ATRNL1: variants seen among roughly 807,000 people sequenced by gnomAD.
ATRNL1 encodes attractin like 1.
A neutral mutation model predicts 182.7 loss-of-function variants in ATRNL1; 95 were observed. The ratio of observed to expected loss-of-function variants is 0.52; its 90% CI spans 0.44 to 0.62. The LOEUF is 0.62. Among genes scored for constraint, ATRNL1 ranks in the 20% least tolerant of loss-of-function variants. The pLI is 0.00. For missense variants in ATRNL1, 1,471 were observed against 1,679.5 expected (o/e 0.88, Z 2.17); for synonymous variants, 576 against 568.3 (o/e 1.01, Z -0.19).
At position 115,780,324 on chromosome 10, in the gene ATRNL1, C is replaced by T. The variant is rs549808876; in HGVS notation, c.3903+52969C>T. On this transcript the variant is annotated intron_variant, in intron 27 of 28. Coordinates refer to ENST00000355044, the MANE Select transcript of ATRNL1 (RefSeq NM_207303.4). Reference sequence around the variant, plus strand: ...TGGTCAGAAATTGAGTATTAGCAAGCCTCAACACCACAGGCTAAAGTGCTC... The same window carrying T: ...TGGTCAGAAATTGAGTATTAGCAAGTCTCAACACCACAGGCTAAAGTGCTC... Among the ~76,000 whole-genome samples the T allele has an allele frequency of 2.0e-5, 3 of 152,340 alleles. No individual in the cohort carries two copies. The East Asian group carries it at 5.8e-4, about 29-fold the overall frequency.
At chr10:115,911,484 A>G (rs2134524565) in intron 28 of ATRNL1, among the ~76,000 whole-genome samples, 1 of 151,934 alleles carries the variant, frequency 6.6e-6, no homozygotes, top group Non-Finnish European at 1.5e-5. Context: ...TGCCCAGCTA[A>G]TTTTTTGTAT....
chr10:115,537,679 T>C (rs1446323482), intron 25 of ATRNL1, among the ~76,000 whole-genome samples: 1 of 152,216 alleles, frequency 6.6e-6, no homozygotes, highest in Non-Finnish European at 1.5e-5. Flanking sequence ...TGCCTTTTTT[T>C]CCAGCATTTT....
chr10:115,256,421 G>T (rs1851138803), intron 10 of ATRNL1, among the ~76,000 whole-genome samples: 1 of 152,102 alleles, frequency 6.6e-6, no homozygotes, highest in East Asian at 1.9e-4. Flanking sequence ...TAGTTTATTT[G>T]CATAGAGGTG....
chr10:115,335,674 T>C (rs1231674404), intron 19 of ATRNL1, among the ~76,000 whole-genome samples: 2 of 152,210 alleles, frequency 1.3e-5, no homozygotes, highest in Non-Finnish European at 2.9e-5. Context: ...GTCCCTTACA[T>C]AGTGGTGTAG....
intron 27 of ATRNL1, among the ~76,000 whole-genome samples, chr10:115,775,956 T>C (rs144542868): frequency 0.013 from 8 of 640 alleles, no homozygotes; most frequent in African/African-American, 0.041. Flanking sequence ...GAAACTCCAT[T>C]CTCAAAAAAA....
intron 27 of ATRNL1, among the ~76,000 whole-genome samples, chr10:115,809,842 C>T (rs1337451707): frequency 6.6e-6 from 1 of 151,736 alleles, no homozygotes; most frequent in Non-Finnish European, 1.5e-5. Context: ...GGAATTGAAA[C>T]GATTCAAACA....
At chr10:115,306,243 G>T (rs1364661899) in intron 17 of ATRNL1, among the ~76,000 whole-genome samples, 1 of 151,868 alleles carries the variant, frequency 6.6e-6, no homozygotes, top group East Asian at 1.9e-4. Flanking sequence ...ATAAACTTTT[G>T]AGTCTTTGCA....
intron 17 of ATRNL1, 142 bp downstream of exon 17, chr10:115,302,185 A>T (rs1176996051): frequency 1.4e-6 from 1 of 734,390 alleles, no homozygotes; most frequent in Non-Finnish European, 2.2e-6. Flanking sequence ...ACCAACTGGT[A>T]CTGTTAACCT....
chr10:115,734,508 A>G (rs1350331543), intron 27 of ATRNL1, among the ~76,000 whole-genome samples: 1 of 151,986 alleles, frequency 6.6e-6, no homozygotes, highest in Non-Finnish European at 1.5e-5. Context: ...TTTTAATAGC[A>G]TTTATTGATA....
chr10:115,136,592 C>G (rs1554876750), intron 5 of ATRNL1, among the ~76,000 whole-genome samples: 1 of 152,166 alleles, frequency 6.6e-6, no homozygotes, highest in Non-Finnish European at 1.5e-5. Context: ...TATGCTCTGC[C>G]TATTCATTCT....
chr10:115,452,392 G>T, intron 21 of ATRNL1, among the ~76,000 whole-genome samples: 1 of 151,866 alleles, frequency 6.6e-6, no homozygotes, highest in East Asian at 1.9e-4. Context: ...ATAAAGTTTT[G>T]CTTTTAATAT....
intron 25 of ATRNL1, among the ~76,000 whole-genome samples, chr10:115,527,987 TC>T (rs1851330178): frequency 8.9e-5 from 2 of 22,388 alleles, no homozygotes; most frequent in African/African-American, 4.8e-4. Flanking sequence ...CCTCCCTCCC[TC>T]CCTCCCTCCC....
chr10:115,692,674 A>G (rs1399582763), intron 26 of ATRNL1, among the ~76,000 whole-genome samples: 3 of 151,846 alleles, frequency 2.0e-5, no homozygotes, highest in African/African-American at 4.8e-5. Flanking sequence ...ATATAATCCT[A>G]TAAGAGATTC....
rs535946521 is a variant in ATRNL1, at chr10:115,534,590, C to A, written c.3717-14868C>A. On this transcript the variant is annotated intron_variant, in intron 25 of 28. Coordinates refer to ENST00000355044, the MANE Select transcript of ATRNL1 (RefSeq NM_207303.4). ...GCCAGTCTGTGTCTTTTAATTGGAGCATTTAGTCCATTTACATTTAAACTT... is the reference window on the plus strand; with the variant it reads ...GCCAGTCTGTGTCTTTTAATTGGAGAATTTAGTCCATTTACATTTAAACTT... Among the ~76,000 whole-genome samples the A allele has an allele frequency of 1.1e-3, 171 of 152,328 alleles. 1 individual carries two copies. The Middle Eastern group carries it at 0.014, about 12-fold the overall frequency.
intron 28 of ATRNL1, among the ~76,000 whole-genome samples, chr10:115,857,238 T>TA (rs1555102362): frequency 6.6e-6 from 1 of 152,182 alleles, no homozygotes; most frequent in Non-Finnish European, 1.5e-5. Context: ...AGGCTTCTGA[T>TA]AAAAAATAGG....
chr10:115,774,177 A>T (rs1949062495), intron 27 of ATRNL1, among the ~76,000 whole-genome samples: 1 of 151,952 alleles, frequency 6.6e-6, no homozygotes, highest in Admixed American at 6.6e-5. Context: ...CTAAAAGTAG[A>T]TTCACTTTGG....
At chr10:115,183,742 A>G (rs559166045) in intron 8 of ATRNL1, among the ~76,000 whole-genome samples, 1 of 151,652 alleles carries the variant, frequency 6.6e-6, no homozygotes, top group South Asian at 2.1e-4. Flanking sequence ...TAATAGCTGG[A>G]TAGTCTCAAT....
In ATRNL1 at chr10:115,923,881, G is replaced by A. The variant is rs1232198328; in HGVS notation, c.4019-20777G>A. Among the ~76,000 whole-genome samples the A allele has an allele frequency of 9.2e-5, 14 of 152,264 alleles. No individual in the cohort carries two copies. The East Asian group carries it at 1.9e-3, about 21-fold the overall frequency. On this transcript the variant is annotated intron_variant, in intron 28 of 28. Coordinates refer to ENST00000355044, the MANE Select transcript of ATRNL1 (RefSeq NM_207303.4). ...GTACATTCCCACCAACAGTGTAAAA[G>A]CGTTCCTGTTTCTCCACAGCCTCAC...
rs150345069 is a variant in ATRNL1 at position 115,869,964 on chromosome 10, C to CTTTT, written c.4018+21998_4018+22001dup. ...TTGGGTATTTATGTTGTTCCCAGAC[C>CTTTT]TTTTTTTTTTTTTTTTTTTTTTTTT... On this transcript the variant is annotated intron_variant, in intron 28 of 28. Coordinates refer to ENST00000355044, the MANE Select transcript of ATRNL1 (RefSeq NM_207303.4). Among the ~76,000 whole-genome samples, 11 of 71,718 alleles carry CTTTT rather than the reference C, an allele frequency of 1.5e-4. 1 individual carries two copies. Among genetic ancestry groups the CTTTT allele is most frequent in the South Asian group, 1.7e-3 (2 of 1,210 alleles). 47.0% of individuals were successfully genotyped at this position (71,718 alleles called of 152,430 possible).
Sources: gnomAD v4.1 joint callset for allele counts (sites outside exome capture counted in the v4.1 genomes callset) on GRCh38, gnomAD v4.1.1 for gene constraint, MANE v1.5 for transcripts, NCBI Gene and HGNC (gene_info 2026-07-23, HGNC 2026-07-21) for gene names.